CCDC9: variants seen among roughly 807,000 people sequenced by gnomAD.
CCDC9 encodes coiled-coil domain-containing protein 9.
CCDC9 carries 52 observed loss-of-function variants against 65.6 expected under a neutral mutation model. The ratio of observed to expected loss-of-function variants is 0.79; its 90% confidence interval spans 0.63 to 1.00. CCDC9 has a LOEUF of 1.00. Among genes scored for constraint, CCDC9 ranks in the 50% least tolerant of loss-of-function variants. The pLI is 0.00. For synonymous variants in CCDC9, 332 were observed against 280.3 expected (o/e 1.18, Z -1.84); for missense variants, 834 against 757.2 (o/e 1.10, Z -1.19).
intron 8 of CCDC9, among the ~76,000 whole-genome samples, chr19:47,267,649 G>A (rs1011872585): frequency 2.0e-5 from 3 of 152,164 alleles, no homozygotes; most frequent in Non-Finnish European, 2.9e-5. Context: ...AGCACACCCC[G>A]CCTCACTGGG....
chr19:47,258,488 G>T, intron 2 of CCDC9, 71 bp from the exon 3 acceptor site: 1 of 1,605,836 alleles, frequency 6.2e-7, no homozygotes, highest in South Asian at 1.1e-5. Flanking sequence ...CAGACTCTCA[G>T]ACCCTGGGGG....
At position 47,264,685 on chromosome 19, in the gene CCDC9, G is replaced by C; in HGVS notation, c.545G>C (p.Arg182Pro). ...EKIAEYERNQ[R>P]EGVLEPNPVR... Reference sequence around the variant, plus strand: ...ATCGCCGAGTATGAGCGCAACCAGCGGGTCAGTGGTGCGGGTGTCCCCGAG... The same window carrying C: ...ATCGCCGAGTATGAGCGCAACCAGCCGGTCAGTGGTGCGGGTGTCCCCGAG... Residue 182 changes from arginine to proline, a missense_variant and splice_region_variant, in exon 6 of 12, where the codon CGG becomes CCG. Physicochemically the swap from Arg to Pro is moderately radical, Grantham distance 103. Coordinates refer to ENST00000221922, the MANE Select transcript of CCDC9 (RefSeq NM_015603.3). 6.2e-7 allele frequency: 1 copy of C among 1,604,906 alleles called. No individual in the cohort carries two copies. The highest frequency in any genetic ancestry group is 8.5e-7 in the Non-Finnish European group (1 of 1,175,938).
chr19:47,263,318 T>A (rs1053900827), intron 5 of CCDC9, among the ~76,000 whole-genome samples: 4 of 152,084 alleles, frequency 2.6e-5, no homozygotes, highest in Non-Finnish European at 4.4e-5. Context: ...CTTAGATTTA[T>A]CACAGTGAAA....
At chr19:47,275,581 GCT>G (rs1257141683), downstream of CCDC9, 8 of 577,098 alleles carry the variant, frequency 1.4e-5, no homozygotes, top group South Asian at 1.9e-4. Context: ...CCCATCCTGA[GCT>G]CTGTCTCCTG....
At position 47,260,895 on chromosome 19, in the gene CCDC9, G is replaced by GT. The variant is rs985437062; in HGVS notation, c.462+62dup. On this transcript the variant is annotated intron_variant, in intron 5 of 11. Coordinates refer to ENST00000221922, the MANE Select transcript of CCDC9 (RefSeq NM_015603.3). ...CTGAGGTTCTCTGTTGTCTGTTTCT[G>GT]TTTTTTCCTCCTCTCAGATGCACAT... 15 of 1,568,722 alleles carry GT rather than the reference G, an allele frequency of 9.6e-6. 1 individual carries two copies. The highest frequency in any genetic ancestry group is 1.1e-5 in the Non-Finnish European group (13 of 1,161,550).
downstream of CCDC9, chr19:47,274,729 G>T: frequency 3.5e-6 from 1 of 286,218 alleles, no homozygotes; most frequent in Admixed American, 6.0e-5. Context: ...CCTGTCGGTG[G>T]TGGGGCGGAG....
Position 47,258,631 on chromosome 19 carries a change from C to CG in CCDC9, c.78dup (p.Lys27GlufsTer3). The CG allele has an allele frequency of 6.2e-7, 1 of 1,614,058 alleles. No individual in the cohort carries two copies. Among genetic ancestry groups the CG allele is most frequent in the African/African-American group, 1.3e-5 (1 of 75,030 alleles). ...GGACAAGAGGATCGAGGCTCTTCGG[C>CG]GGAAGAATGAGGCCCTCATCCGGCG... On this transcript the variant is annotated frameshift_variant, in exon 3 of 12. Coordinates refer to ENST00000221922, the MANE Select transcript of CCDC9 (RefSeq NM_015603.3). LOFTEE classifies it high-confidence loss of function.
intron 3 of CCDC9, among the ~76,000 whole-genome samples, chr19:47,260,048 G>A (rs894037269): frequency 6.6e-6 from 1 of 152,192 alleles, no homozygotes; most frequent in Non-Finnish European, 1.5e-5. Context: ...TGATCGTGGG[G>A]AGAGGGTGAG....
At position 47,271,726 on chromosome 19, in the gene CCDC9, TGTGTGTGCGCGCGCGCGCGC is replaced by T. The variant is rs751266996; in HGVS notation, c.*50_*69del. 1,967 of 1,138,094 alleles carry T rather than the reference TGTGTGTGCGCGCGCGCGCGC, an allele frequency of 1.7e-3. 6 individuals carry two copies. In the African/African-American group the frequency reaches 0.027, roughly 16 times the overall value. The allele number at this position is 1,138,094 out of a possible 1,614,324, so 70.5% of individuals were successfully genotyped here. On this transcript the variant is annotated 3_prime_UTR_variant, in exon 12 of 12. Transcript: ENST00000221922. ...GTGTGTGTGTGTGTGTGTGTGTGTG[TGTGTGTGCGCGCGCGCGCGC>T]GCGCGCGCGCGCGCTAGAGGGGTGT... is the stretch of plus-strand genomic sequence containing the variant.
At chr19:47,269,991 T>C (rs760555027) in intron 8 of CCDC9, among the ~76,000 whole-genome samples, 5 of 151,670 alleles carry the variant, frequency 3.3e-5, no homozygotes, top group Non-Finnish European at 7.4e-5. Flanking sequence ...TTTTTTGAGA[T>C]AGGGTCTCCC....
At chr19:47,266,367 T>C (rs975211926) in intron 7 of CCDC9, 1 of 460,718 alleles carries the variant, frequency 2.2e-6, no homozygotes, top group South Asian at 4.9e-5. Flanking sequence ...AATGAAAATA[T>C]AGTGAGATGT....
intron 5 of CCDC9, among the ~76,000 whole-genome samples, chr19:47,262,219 T>G (rs2059050774): frequency 6.7e-6 from 1 of 148,786 alleles, no homozygotes; most frequent in African/African-American, 2.5e-5. Context: ...GCTTTTTTTT[T>G]TTTTTTTTTT....
downstream of CCDC9, chr19:47,274,584 G>A (rs925523933): frequency 6.3e-5 from 12 of 190,200 alleles, no homozygotes; most frequent in African/African-American, 2.7e-4. Flanking sequence ...GCTCCGAGGC[G>A]GGCTAGATGC....
chr19:47,271,229 G>A lies in CCDC9; in HGVS notation c.1191+42G>A, dbSNP rs377115179. ...GTTCAGGGCACGGGCCTGGGGTGGG[G>A]GCTCAGGACCTGTGCCTTGCCCTGA... On this transcript the variant is annotated intron_variant, in intron 11 of 11. Coordinates refer to ENST00000221922, the MANE Select transcript of CCDC9 (RefSeq NM_015603.3). 612 of 1,608,014 alleles carry A rather than the reference G, an allele frequency of 3.8e-4. 6 individuals carry two copies. The South Asian group carries it at 6.3e-3, about 17-fold the overall frequency.
At chr19:47,273,840 T>G (rs892275164), downstream of CCDC9, 1 of 350,708 alleles carries the variant, frequency 2.9e-6, no homozygotes, top group Non-Finnish European at 4.1e-6. Context: ...CGCTCACCCT[T>G]GAACTGTGTT....
intron 3 of CCDC9, among the ~76,000 whole-genome samples, chr19:47,258,891 G>A (rs974216660): frequency 6.6e-6 from 1 of 152,184 alleles, no homozygotes; most frequent in Non-Finnish European, 1.5e-5. Context: ...GTGGTGCTGG[G>A]GATATAGCTG....
Position 47,258,380 on chromosome 19 carries a change from T to C in CCDC9, c.-21T>C. The C allele has an allele frequency of 6.2e-7, 1 of 1,613,842 alleles. No homozygotes were observed. The highest frequency in any genetic ancestry group is 8.5e-7 in the Non-Finnish European group (1 of 1,179,798). The stretch of plus-strand genomic sequence containing the variant: ...CTGCAGGGGAGGTTTGCTGGGACCT[T>C]GGCTCCACGCAGCCAGCGAAATGGT... On this transcript the variant is annotated 5_prime_UTR_variant, in exon 2 of 12. Transcript: ENST00000221922.
At chr19:47,264,480 T>G in intron 5 of CCDC9, 123 bp from the exon 6 acceptor site, 1 of 876,206 alleles carries the variant, frequency 1.1e-6, no homozygotes, top group East Asian at 2.7e-5. Flanking sequence ...TGAGAGCAAA[T>G]GGTCAGATGC....
At chr19:47,258,482 C>G in intron 2 of CCDC9, 77 bp from the exon 3 acceptor site, 3 of 1,598,918 alleles carry the variant, frequency 1.9e-6, no homozygotes, top group Non-Finnish European at 2.6e-6. Flanking sequence ...TAGGGGCAGA[C>G]TCTCAGACCC....
Sources: allele counts gnomAD v4.1 joint callset (sites outside exome capture counted in the v4.1 genomes callset), GRCh38; gene constraint gnomAD v4.1.1; transcripts MANE v1.5; gene names NCBI Gene and HGNC (gene_info 2026-07-23, HGNC 2026-07-21).